Variants in RFX1 observed in about 807,000 individuals in gnomAD.
RFX1 encodes the protein MHC class II regulatory factor RFX1.
RFX1 carries 42 observed loss-of-function variants against 119.6 expected under a neutral mutation model. The ratio of observed to expected loss-of-function variants is 0.35; its 90% CI spans 0.27 to 0.45. The LOEUF (loss-of-function observed/expected upper bound fraction) is 0.45, where lower values mean the gene tolerates loss of function less well. Ranked by LOEUF, RFX1 falls within the 20% of genes least tolerant of loss-of-function variation. RFX1 has a pLI of 1.00. For synonymous variants in RFX1, 628 were observed against 618.5 expected (o/e 1.02, Z -0.23); for missense variants, 1,118 against 1,368.1 (o/e 0.82, Z 2.88).
At position 13,986,380 on chromosome 19, in the gene RFX1, G is replaced by A. The variant is rs1387572954; in HGVS notation, c.320-2785C>T. The stretch of plus-strand genomic sequence containing the variant: ...GCCTCTGGGGTAGCCCTCAAGGCTG[G>A]GACCCCGCCTGCCAGCCCAGGAGGG... On this transcript the variant is annotated intron_variant, in intron 2 of 20. Transcript: ENST00000254325. The surrounding 1 kb of genome is among the most constrained non-coding windows in gnomAD (Gnocchi z 4.2). Among the ~76,000 whole-genome samples, 1 of 152,196 alleles carries A rather than the reference G, an allele frequency of 6.6e-6. No individual in the cohort carries two copies. Among genetic ancestry groups the A allele is most frequent in the African/African-American group, 2.4e-5 (1 of 41,452 alleles).
At position 13,973,098 on chromosome 19, in the gene RFX1, G is replaced by A. The variant is rs764991643; in HGVS notation, c.959C>T (p.Thr320Met). 13 of 1,600,132 alleles carry A rather than the reference G, an allele frequency of 8.1e-6. No individual in the cohort carries two copies. The highest frequency in any genetic ancestry group is 3.3e-5 in the Admixed American group (2 of 59,948). The change falls in exon 9 of 21, where the codon ACG (threonine) becomes ATG (methionine). Residue 320 changes from threonine (T) to methionine (M), a missense_variant. By Grantham distance (81) the Thr-to-Met change is moderately conservative (BLOSUM62 -1). This residue lies in a region of RFX1 where 542 missense variants were observed against 602.7 expected (regional missense o/e 0.90). Coordinates refer to ENST00000254325, the MANE Select transcript of RFX1 (RefSeq NM_002918.5). ...GCTTGCCGTCTGCGTGTACAGCGGC[G>A]TCTCGGGATAGGAGTAGGTGCTGGA... ...IRSSTYSYPETPLYTQTASTS... is the reference protein window; with the variant it reads ...IRSSTYSYPEMPLYTQTASTS...
In RFX1 at chr19:13,961,865, C is replaced by G. The variant is rs10416669; in HGVS notation, c.*830G>C. 2 of 152,318 alleles carry G rather than the reference C, an allele frequency of 1.3e-5. No homozygotes were observed. Among genetic ancestry groups the G allele is most frequent in the African/African-American group, 2.4e-5 (1 of 41,464 alleles). The allele number at this position is 152,318 out of a possible 1,614,324, so 9.4% of individuals were successfully genotyped here. A position where few individuals can be genotyped will look rare whatever the true frequency, so the allele number is the denominator to read the frequency against. On this transcript the variant is annotated 3_prime_UTR_variant, in exon 21 of 21. Coordinates refer to ENST00000254325, the MANE Select transcript of RFX1 (RefSeq NM_002918.5). ...CAAGTTACCAACTCCGCTCGGGCGG[C>G]GCTCACGAATCGCACAATAGTCATG...
At chr19:13,993,439 G>A (rs12459114) in intron 2 of RFX1, 86 bp downstream of exon 2, 456,776 of 1,345,202 alleles carry the variant, frequency 0.34, 79,905 homozygotes, top group South Asian at 0.39. Flanking sequence ...TGGGGGGCAT[G>A]GCAGCCCTGT....
rs1024794798 is a variant in RFX1 at position 13,985,587 on chromosome 19, G to T, written c.320-1992C>A. ...CATCCACCGTGCAGGCCATGACGCA[G>T]GTTCCCCTCTGGGCCCACACGAACC... is the stretch of plus-strand genomic sequence containing the variant. On this transcript the variant is annotated intron_variant, in intron 2 of 20. Transcript: ENST00000254325. This position sits in a 1 kb window ranked among gnomAD's most constrained non-coding sequence, Gnocchi z 4.3. Among the ~76,000 whole-genome samples, 1 of 152,260 alleles carries T rather than the reference G, an allele frequency of 6.6e-6. No homozygotes were observed. The highest frequency in any genetic ancestry group is 1.5e-5 in the Non-Finnish European group (1 of 68,052).
rs1220640230 is a variant in RFX1, at chr19:13,969,233, C to G, written c.1497-339G>C. Among the ~76,000 whole-genome samples, 1 of 152,168 alleles carries G rather than the reference C, an allele frequency of 6.6e-6. No individual in the cohort carries two copies. Among genetic ancestry groups the G allele is most frequent in the Non-Finnish European group, 1.5e-5 (1 of 68,032 alleles). On this transcript the variant is annotated intron_variant, in intron 10 of 20. Transcript: ENST00000254325. This position sits in a 1 kb window ranked among gnomAD's most constrained non-coding sequence, Gnocchi z 4.5. ...GAGGGGCGGGTTCTTGGGATGCCTT[C>G]TTGTTCCTTCCCGCATGAATTTACT...
At chr19:13,964,877 A>C (rs1973843265) in intron 16 of RFX1, among the ~76,000 whole-genome samples, 1 of 152,188 alleles carries the variant, frequency 6.6e-6, no homozygotes, top group Non-Finnish European at 1.5e-5. Context: ...GGTTGTGTGA[A>C]TACATGAATA....
Position 13,983,546 on chromosome 19 carries a change from G to A in RFX1, c.369C>T (p.Ser123=). 2 of 1,611,376 alleles carry A rather than the reference G, an allele frequency of 1.2e-6. No individual in the cohort carries two copies. The highest frequency in any genetic ancestry group is 1.7e-6 in the Non-Finnish European group (2 of 1,179,558). ...SETVSEASPG[S]TASQTGVPTQ... The stretch of plus-strand genomic sequence containing the variant: ...TAGGAACGCCGGTCTGGCTGGCGGT[G>A]GAGCCGGGGCTGGCCTCCGACACTG... The change falls in exon 3 of 21, where the codon TCC becomes TCT. Residue 123 remains serine, a synonymous_variant. Transcript: ENST00000254325.
Position 13,983,531 on chromosome 19 carries a change from G to C in RFX1, c.384C>G (p.Thr128=), listed in dbSNP as rs747442060. The C allele has an allele frequency of 1.9e-6, 3 of 1,611,748 alleles. No individual in the cohort carries two copies. In the African/African-American group the frequency reaches 4.0e-5, roughly 21 times the overall value. The change falls in exon 3 of 21, where the codon ACC becomes ACG. Residue 128 remains threonine, a synonymous_variant. Transcript: ENST00000254325. Reference sequence around the variant, plus strand: ...GCTGAACCACCTGAGTAGGAACGCCGGTCTGGCTGGCGGTGGAGCCGGGGC... The same window carrying C: ...GCTGAACCACCTGAGTAGGAACGCCCGTCTGGCTGGCGGTGGAGCCGGGGC... ...EASPGSTASQ[T]GVPTQVVQQV... is the part of the protein sequence containing the mutation.
rs1408220789 is a variant in RFX1 at position 13,980,606 on chromosome 19, G to A, written c.705C>T (p.His235=). Reference sequence around the variant, plus strand: ...TGACGGGGACACTCTGCTGGACGCCGTGGACCTGCAGCTGCTGTGGCACTG... The same window carrying A: ...TGACGGGGACACTCTGCTGGACGCCATGGACCTGCAGCTGCTGTGGCACTG... ...TGTVPQQLQV[H]GVQQSVPVTQ... is the part of the protein sequence containing the mutation. The change falls in exon 6 of 21, where the codon CAC becomes CAT. Residue 235 remains histidine (H), a synonymous_variant. Coordinates refer to ENST00000254325, the MANE Select transcript of RFX1 (RefSeq NM_002918.5). The surrounding 1 kb of genome is among the most constrained non-coding windows in gnomAD (Gnocchi z 5.1). 4.4e-6 allele frequency: 7 copies of A among 1,579,206 alleles called. No homozygotes were observed. Among genetic ancestry groups the A allele is most frequent in the Non-Finnish European group, 4.3e-6 (5 of 1,169,724 alleles).
At chr19:13,973,202 AG>A (rs767783434) in intron 8 of RFX1, 75 bp from the exon 9 acceptor site, 24 of 415,378 alleles carry the variant, frequency 5.8e-5, no homozygotes, top group Admixed American at 2.9e-4. Flanking sequence ...CTGTGCAGGA[AG>A]GGGGGTCCTA....
At position 13,985,366 on chromosome 19, in the gene RFX1, G is replaced by A. The variant is rs978115181; in HGVS notation, c.320-1771C>T. Among the ~76,000 whole-genome samples the A allele has an allele frequency of 6.6e-6, 1 of 152,084 alleles. No individual in the cohort carries two copies. Among genetic ancestry groups the A allele is most frequent in the Admixed American group, 6.6e-5 (1 of 15,256 alleles). Reference sequence around the variant, plus strand: ...TAATTTTTGTGGTTTTAGTAGAGACGGGGTTTTGCCATGTTGGCCAGGCTG... The same window carrying A: ...TAATTTTTGTGGTTTTAGTAGAGACAGGGTTTTGCCATGTTGGCCAGGCTG... On this transcript the variant is annotated intron_variant, in intron 2 of 20. Coordinates refer to ENST00000254325, the MANE Select transcript of RFX1 (RefSeq NM_002918.5). The surrounding 1 kb of genome is among the most constrained non-coding windows in gnomAD (Gnocchi z 4.3).
At chr19:14,004,858 G>C (rs1452568882) in intron 1 of RFX1, among the ~76,000 whole-genome samples, 1 of 152,012 alleles carries the variant, frequency 6.6e-6, no homozygotes, top group Non-Finnish European at 1.5e-5. Flanking sequence ...ATTCCTCCCC[G>C]AGCTGGCAGG....
At chr19:13,983,306 T>C in intron 3 of RFX1, 36 bp from the exon 4 acceptor site, 2 of 1,509,214 alleles carry the variant, frequency 1.3e-6, no homozygotes, top group Non-Finnish European at 1.8e-6. Flanking sequence ...GAGCTGCCAC[T>C]TCCCCCAGGG....
Position 13,993,659 on chromosome 19 carries a change from T to G in RFX1, c.185A>C (p.Gln62Pro). 6.5e-7 allele frequency: 1 copy of G among 1,549,466 alleles called. No individual in the cohort carries two copies. Among genetic ancestry groups the G allele is most frequent in the Non-Finnish European group, 8.7e-7 (1 of 1,146,450 alleles). Residue 62 changes from glutamine to proline, a missense_variant, in exon 2 of 21, where the codon CAG (glutamine) becomes CCG (proline). This residue lies in a region of RFX1 where 542 missense variants were observed against 602.7 expected (regional missense o/e 0.90). Coordinates refer to ENST00000254325, the MANE Select transcript of RFX1 (RefSeq NM_002918.5). ...GCCACCCGGTGGCTGTGCCTGGGGCTGGGGGCTCTGCAGCTCGGTGACATA... is the reference window on the plus strand; with the variant it reads ...GCCACCCGGTGGCTGTGCCTGGGGCGGGGGGCTCTGCAGCTCGGTGACATA... ...PQYVTELQSP[Q>P]PQAQPPGGQK...
chr19:13,979,526 G>A lies in RFX1; in HGVS notation c.755C>T (p.Ala252Val), dbSNP rs1363627218. 1 of 1,596,498 alleles carries A rather than the reference G, an allele frequency of 6.3e-7. No individual in the cohort carries two copies. The highest frequency in any genetic ancestry group is 1.1e-5 in the South Asian group (1 of 89,150). ...PVTQERSVVQ[A>V]TPQAPKPGPV... ...GCCGGGTTTGGGCGCTTGTGGAGTG[G>A]CCTGGACCACAGATCTCTGGGAGGG... The change falls in exon 7 of 21, where the codon GCC becomes GTC. Residue 252 changes from alanine to valine, a missense_variant. This residue lies in a region of RFX1 where 542 missense variants were observed against 602.7 expected (regional missense o/e 0.90). Transcript: ENST00000254325.
intron 1 of RFX1, among the ~76,000 whole-genome samples, chr19:14,003,973 A>C (rs533815573): frequency 2.6e-5 from 4 of 151,656 alleles, no homozygotes; most frequent in African/African-American, 7.3e-5. Flanking sequence ...GTGGCCTGTG[A>C]TCTCAGCTCA....
At position 13,969,555 on chromosome 19, in the gene RFX1, A is replaced by G. The variant is rs576778697; in HGVS notation, c.1496+439T>C. ...TGCTTGTAGTCCCAAGCTACTCAAG[A>G]GGCTGAGGCATGAGAATGGCTTGAA... On this transcript the variant is annotated intron_variant, in intron 10 of 20. Transcript: ENST00000254325. This position sits in a 1 kb window ranked among gnomAD's most constrained non-coding sequence, Gnocchi z 4.5. 1.9e-3 allele frequency: 315 copies of G among 162,460 alleles called. No individual in the cohort carries two copies. The highest frequency in any genetic ancestry group is 7.2e-3 in the African/African-American group (301 of 41,694). The allele number at this position is 162,460 out of a possible 1,614,324, so 10.1% of individuals were successfully genotyped here. A position where few individuals can be genotyped will look rare whatever the true frequency, so the allele number is the denominator to read the frequency against.
At chr19:13,999,898 A>C (rs1210665149) in intron 1 of RFX1, among the ~76,000 whole-genome samples, 2 of 151,696 alleles carry the variant, frequency 1.3e-5, no homozygotes, top group African/African-American at 4.8e-5. Flanking sequence ...CTGGTCTCGA[A>C]CTCCTGACCT....
Position 13,993,739 on chromosome 19 carries a change from T to C in RFX1, c.105A>G (p.Pro35=). ...GTGGCTGCGGGGGCTGGGGTGCCGC[T>C]GGGGGTGGTGGCGGTGGCGGCTGGG... The part of the protein sequence containing the change: ...AQPQPPPPPP[P]AAPQPPQPPT... Residue 35 remains proline (P), a synonymous_variant, in exon 2 of 21, where the codon CCA becomes CCG. Coordinates refer to ENST00000254325, the MANE Select transcript of RFX1 (RefSeq NM_002918.5). The C allele has an allele frequency of 8.6e-7, 1 of 1,162,490 alleles. No individual in the cohort carries two copies. Among genetic ancestry groups the C allele is most frequent in the Non-Finnish European group, 1.1e-6 (1 of 914,106 alleles). The allele number at this position is 1,162,490 out of a possible 1,614,324, so 72.0% of individuals were successfully genotyped here.
Sources: allele counts gnomAD v4.1 joint callset (sites outside exome capture counted in the v4.1 genomes callset), GRCh38; gene constraint gnomAD v4.1.1; regional missense constraint gnomAD v4.1.1; non-coding constraint Gnocchi (gnomAD v3.1); transcripts MANE v1.5; gene names NCBI Gene and HGNC (gene_info 2026-07-23, HGNC 2026-07-21).